Variants in TACR1 observed in about 807,000 individuals in gnomAD.
TACR1 encodes tachykinin receptor 1.
In TACR1, 25 loss-of-function variants were observed where a neutral mutation model predicts 35.8. The ratio of observed to expected loss-of-function variants is 0.70; its 90% CI spans 0.51 to 0.98. TACR1 has a LOEUF of 0.98. TACR1 is among the 50% of genes least tolerant of loss of function. TACR1 has a pLI of 0.00. For missense variants in TACR1, 478 were observed against 522.9 expected (o/e 0.91, Z 0.84); for synonymous variants, 195 against 206.7 (o/e 0.94, Z 0.48).
chr2:75,162,206 G>A (rs753076916), intron 1 of TACR1, among the ~76,000 whole-genome samples: 1 of 152,138 alleles, frequency 6.6e-6, no homozygotes. Context: ...TTATTGCTCT[G>A]TGACACTTAC....
At chr2:75,088,524 G>C (rs1673232062) in intron 2 of TACR1, among the ~76,000 whole-genome samples, 1 of 152,190 alleles carries the variant, frequency 6.6e-6, no homozygotes, top group Non-Finnish European at 1.5e-5. Flanking sequence ...TTTGTTCACT[G>C]TTGTATCCCA....
intron 1 of TACR1, among the ~76,000 whole-genome samples, chr2:75,163,979 C>A (rs1400896589): frequency 6.6e-6 from 1 of 151,864 alleles, no homozygotes; most frequent in Non-Finnish European, 1.5e-5. Context: ...AAAAAAATCT[C>A]CTAAAAAAGT....
rs200225041 is a variant in TACR1 at position 75,053,629 on chromosome 2, G to C, written c.711C>G (p.His237Gln). Reference protein sequence around the residue: ...EIPGDSSDRYHEQVSAKRKVV... With the variant: ...EIPGDSSDRYQEQVSAKRKVV... ...CCTTGCGCTTGGCAGAGACTTGCTCGTGGTAGCGGTCAGAGGAGTCCCCGG... is the reference window on the plus strand; with the variant it reads ...CCTTGCGCTTGGCAGAGACTTGCTCCTGGTAGCGGTCAGAGGAGTCCCCGG... The change falls in exon 3 of 5, where the codon CAC (histidine) becomes CAG (glutamine). Residue 237 changes from histidine (H) to glutamine (Q), a missense_variant. Transcript: ENST00000305249. 9.6e-6 allele frequency: 15 copies of C among 1,564,848 alleles called. No homozygotes were observed. The highest frequency in any genetic ancestry group is 1.9e-5 in the Admixed American group (1 of 53,276).
At position 75,186,375 on chromosome 2, in the gene TACR1, A is replaced by AT. The variant is rs1227642926; in HGVS notation, c.389+12170_389+12171insA. 1.5e-3 allele frequency among the ~76,000 whole-genome samples: 227 copies of AT among 150,300 alleles called. 1 individual carries two copies. The highest frequency in any genetic ancestry group is 5.4e-3 in the African/African-American group (222 of 41,268). Reference sequence around the variant, plus strand: ...CAACACAGCAAGACTCTGTCTCAAAAAAAAAAAAAAAAAAAAAGAAAGAAA... The same window carrying AT: ...CAACACAGCAAGACTCTGTCTCAAAATAAAAAAAAAAAAAAAAAGAAAGAAA... On this transcript the variant is annotated intron_variant, in intron 1 of 4. Transcript: ENST00000305249.
chr2:75,153,827 C>T (rs1423379976), intron 1 of TACR1, among the ~76,000 whole-genome samples: 1 of 152,160 alleles, frequency 6.6e-6, no homozygotes, highest in African/African-American at 2.4e-5. Context: ...CCTCACGTAT[C>T]CTCTCTTCCT....
chr2:75,139,609 G>A (rs1019153391), intron 1 of TACR1, among the ~76,000 whole-genome samples: 2 of 152,184 alleles, frequency 1.3e-5, no homozygotes, highest in Admixed American at 1.3e-4. Flanking sequence ...TAGAGAATTA[G>A]GAACTGTTGT....
intron 2 of TACR1, among the ~76,000 whole-genome samples, chr2:75,071,300 C>G (rs2103815934): frequency 6.6e-6 from 1 of 152,374 alleles, no homozygotes; most frequent in African/African-American, 2.4e-5. Context: ...GGGCCCAACT[C>G]TTGCCAATGC....
chr2:75,170,298 G>C (rs552222904), intron 1 of TACR1, among the ~76,000 whole-genome samples: 1 of 152,162 alleles, frequency 6.6e-6, no homozygotes, highest in Admixed American at 6.5e-5. Context: ...AAGCTCTCTT[G>C]CCTGTTGCCA....
chr2:75,183,127 G>C (rs1013581612), intron 1 of TACR1, among the ~76,000 whole-genome samples: 2 of 152,054 alleles, frequency 1.3e-5, no homozygotes, highest in African/African-American at 4.8e-5. Flanking sequence ...GTCAGTAGAA[G>C]ATAACAATAA....
intron 1 of TACR1, among the ~76,000 whole-genome samples, chr2:75,164,754 C>T (rs1271484829): frequency 6.6e-6 from 1 of 152,178 alleles, no homozygotes; most frequent in African/African-American, 2.4e-5. Context: ...TCCTGGAAGG[C>T]TCTGTCATTT....
At chr2:75,113,823 C>T (rs1292728088) in intron 2 of TACR1, among the ~76,000 whole-genome samples, 2 of 151,930 alleles carry the variant, frequency 1.3e-5, no homozygotes, top group Non-Finnish European at 2.9e-5. Context: ...GAGCAGCTTG[C>T]CAAAGGATCC....
intron 1 of TACR1, among the ~76,000 whole-genome samples, chr2:75,175,528 T>C (rs1421843651): frequency 1.3e-5 from 2 of 152,184 alleles, no homozygotes; most frequent in Non-Finnish European, 2.9e-5. Flanking sequence ...CCCTTCTTTT[T>C]TCAGATTCTA....
At chr2:75,168,321 T>C (rs1046653305) in intron 1 of TACR1, among the ~76,000 whole-genome samples, 2 of 152,186 alleles carry the variant, frequency 1.3e-5, no homozygotes, top group African/African-American at 4.8e-5. Flanking sequence ...ACTTTGCAGA[T>C]GTCATTAAGT....
At chr2:75,172,176 A>G (rs1432623454) in intron 1 of TACR1, among the ~76,000 whole-genome samples, 4 of 152,124 alleles carry the variant, frequency 2.6e-5, no homozygotes, top group African/African-American at 9.7e-5. Context: ...TACAAACCCC[A>G]TTGTTTTCTT....
At chr2:75,076,100 A>G (rs748088025) in intron 2 of TACR1, among the ~76,000 whole-genome samples, 13 of 152,176 alleles carry the variant, frequency 8.5e-5, no homozygotes, top group Non-Finnish European at 1.6e-4. Flanking sequence ...CTTATTTTCT[A>G]CTGGACTTTA....
At chr2:75,090,501 C>T (rs1199290727) in intron 2 of TACR1, among the ~76,000 whole-genome samples, 1 of 152,160 alleles carries the variant, frequency 6.6e-6, no homozygotes, top group Non-Finnish European at 1.5e-5. Flanking sequence ...CTTATTGCAC[C>T]AAACATTCCT....
intron 1 of TACR1, among the ~76,000 whole-genome samples, chr2:75,191,360 G>A (rs549982304): frequency 6.6e-6 from 1 of 152,246 alleles, no homozygotes; most frequent in South Asian, 2.1e-4. Flanking sequence ...TGCTAGTGGG[G>A]GGTGTTAGAG....
chr2:75,166,798 A>G (rs1675153807), intron 1 of TACR1, among the ~76,000 whole-genome samples: 1 of 152,196 alleles, frequency 6.6e-6, no homozygotes, highest in African/African-American at 2.4e-5. Flanking sequence ...GTTGGAAGAG[A>G]GAAGGATGGA....
intron 2 of TACR1, among the ~76,000 whole-genome samples, chr2:75,094,859 A>ATATATATATATATATATTTTTT: frequency 8.8e-5 from 10 of 113,100 alleles, no homozygotes; most frequent in African/African-American, 4.8e-4. Context: ...ATATATATAT[A>ATATATATATATATATATTTTTT]TTTTTTTTTT....
Sources: gnomAD v4.1 joint callset for allele counts (sites outside exome capture counted in the v4.1 genomes callset) on GRCh38, gnomAD v4.1.1 for gene constraint, MANE v1.5 for transcripts, NCBI Gene and HGNC (gene_info 2026-07-23, HGNC 2026-07-21) for gene names.